OPCML: variants seen among roughly 807,000 people sequenced by gnomAD.
The protein encoded by OPCML is opioid binding protein/cell adhesion molecule like, also known as opioid-binding protein/cell adhesion molecule.
A neutral mutation model predicts 37.8 loss-of-function variants in OPCML; 13 were observed. The ratio of observed to expected loss-of-function variants is 0.34; its 90% CI spans 0.22 to 0.55. The LOEUF (loss-of-function observed/expected upper bound fraction) is 0.55. OPCML is among the 20% of genes least tolerant of loss of function. OPCML has a pLI of 0.91. For missense variants in OPCML, 341 were observed against 435.6 expected (o/e 0.78, Z 1.93); for synonymous variants, 176 against 168.8 (o/e 1.04, Z -0.33).
intron 1 of OPCML, among the ~76,000 whole-genome samples, chr11:133,285,432 A>G (rs913926094): frequency 3.9e-5 from 6 of 152,068 alleles, no homozygotes; most frequent in Admixed American, 3.9e-4. Context: ...ATCTTAGGAG[A>G]CCCGTACGTG....
At chr11:132,467,801 GGTCTATGAAACCAAATGAGAATCAAA>G (rs1486024233) in intron 4 of OPCML, among the ~76,000 whole-genome samples, 1 of 152,112 alleles carries the variant, frequency 6.6e-6, no homozygotes, top group African/African-American at 2.4e-5. Flanking sequence ...TAGTGATAAT[GGTCTATGAAACCAAATGAGAATCAAA>G]GATTCTGAAT....
At chr11:133,469,536 G>A (rs1055871288) in intron 1 of OPCML, among the ~76,000 whole-genome samples, 2 of 152,170 alleles carry the variant, frequency 1.3e-5, no homozygotes, top group Non-Finnish European at 2.9e-5. Flanking sequence ...TCCAGCCTCA[G>A]CCCACTTCAA....
chr11:132,618,954 T>TACACACACACAC (rs6144570), intron 3 of OPCML, among the ~76,000 whole-genome samples: 51 of 145,444 alleles, frequency 3.5e-4, no homozygotes, highest in South Asian at 4.5e-4. Context: ...AGCACACGCA[T>TACACACACACAC]ACACACACAC....
rs568747007 is a variant in OPCML at position 133,340,606 on chromosome 11, C to G, written c.61+191658G>C. 8.6e-3 allele frequency among the ~76,000 whole-genome samples: 941 copies of G among 109,338 alleles called. 3 individuals are homozygous for G. The highest frequency in any genetic ancestry group is 0.017 in the Admixed American group (162 of 9,546). The allele number at this position is 109,338 out of a possible 152,430, so 71.7% of individuals were successfully genotyped here. On this transcript the variant is annotated intron_variant, in intron 1 of 7. Transcript: ENST00000524381. ...ACTCTAGCCCACAAATTAAGACTCTCTCTGTGTGTGTGTGTGTGTGTGTGT... is the reference window on the plus strand; with the variant it reads ...ACTCTAGCCCACAAATTAAGACTCTGTCTGTGTGTGTGTGTGTGTGTGTGT...
At chr11:132,725,734 T>A (rs1463261726) in intron 2 of OPCML, among the ~76,000 whole-genome samples, 1 of 144,374 alleles carries the variant, frequency 6.9e-6, no homozygotes, top group Non-Finnish European at 1.5e-5. Flanking sequence ...TGAGCCGAGA[T>A]CACGCCACTG....
chr11:132,870,062 C>T (rs1188072124), intron 2 of OPCML, among the ~76,000 whole-genome samples: 3 of 152,168 alleles, frequency 2.0e-5, no homozygotes, highest in Non-Finnish European at 4.4e-5. Flanking sequence ...ACCTACTACA[C>T]ACTAGATTTC....
chr11:133,514,289 G>A (rs1345577756), intron 1 of OPCML, among the ~76,000 whole-genome samples: 1 of 152,194 alleles, frequency 6.6e-6, no homozygotes, highest in East Asian at 1.9e-4. Context: ...GAGGCGAGTT[G>A]GCTGCTCCCT....
chr11:133,125,860 CACAT>C (rs1949502401), intron 1 of OPCML, among the ~76,000 whole-genome samples: 1 of 140,084 alleles, frequency 7.1e-6, no homozygotes, highest in African/African-American at 2.7e-5. Context: ...ATAGTATATA[CACAT>C]GTATATATAG....
intron 2 of OPCML, among the ~76,000 whole-genome samples, chr11:132,688,446 C>T (rs1480285280): frequency 6.6e-6 from 1 of 152,072 alleles, no homozygotes; most frequent in Non-Finnish European, 1.5e-5. Context: ...TCCTGGGCCT[C>T]AGTTATCCAA....
chr11:133,343,895 TA>T (rs1208619293), intron 1 of OPCML, among the ~76,000 whole-genome samples: 2 of 152,192 alleles, frequency 1.3e-5, no homozygotes, highest in African/African-American at 4.8e-5. Flanking sequence ...TATTTTACTT[TA>T]AAAAAAGCGC....
intron 3 of OPCML, among the ~76,000 whole-genome samples, chr11:132,567,585 G>T (rs1430907626): frequency 6.6e-6 from 1 of 152,168 alleles, no homozygotes; most frequent in African/African-American, 2.4e-5. Flanking sequence ...CTATTATATT[G>T]CTCGGGCAGG....
At chr11:133,404,241 G>C (rs1945476619) in intron 1 of OPCML, among the ~76,000 whole-genome samples, 1 of 152,166 alleles carries the variant, frequency 6.6e-6, no homozygotes, top group Admixed American at 6.5e-5. Context: ...CTGGCCACTG[G>C]ATAAGGGTCC....
In OPCML at chr11:132,436,658, C is replaced by A; in HGVS notation, c.764+1G>T. On this transcript the variant is annotated splice_donor_variant, in intron 6 of 7. Coordinates refer to ENST00000524381, the MANE Select transcript of OPCML (RefSeq NM_001012393.5). LOFTEE classifies it high-confidence loss of function. ...CTGTCCAGGTGTCATTTAAAAGGTA[C>A]CTGGTTTCTTCCTTGAACCACTGGA... 1 of 1,614,136 alleles carries A rather than the reference C, an allele frequency of 6.2e-7. No individual in the cohort carries two copies. Among genetic ancestry groups the A allele is most frequent in the Non-Finnish European group, 8.5e-7 (1 of 1,179,986 alleles).
chr11:133,026,151 G>T, intron 1 of OPCML: 1 of 936,758 alleles, frequency 1.1e-6, no homozygotes, highest in Non-Finnish European at 1.3e-6. Context: ...CCACCCATCT[G>T]AGTAATTTTT....
chr11:132,936,421 T>C (rs1213620126), intron 2 of OPCML, among the ~76,000 whole-genome samples: 1 of 152,164 alleles, frequency 6.6e-6, no homozygotes, highest in African/African-American at 2.4e-5. Flanking sequence ...ATAGGGATTG[T>C]AATGGTCTGA....
chr11:132,803,908 C>G (rs185341008), intron 2 of OPCML, among the ~76,000 whole-genome samples: 60 of 152,274 alleles, frequency 3.9e-4, no homozygotes, highest in African/African-American at 1.4e-3. Context: ...GTAAGCCATG[C>G]TCACTATTAA....
chr11:132,998,261 T>G (rs1946923097), intron 1 of OPCML, among the ~76,000 whole-genome samples: 1 of 152,186 alleles, frequency 6.6e-6, no homozygotes, highest in African/African-American at 2.4e-5. Flanking sequence ...TTTGATAGTG[T>G]TTGCTGAATC....
intron 2 of OPCML, among the ~76,000 whole-genome samples, chr11:132,721,950 C>CTTTTTTTTTTT (rs34325848): frequency 4.8e-5 from 4 of 82,782 alleles, no homozygotes; most frequent in Admixed American, 1.7e-4. Context: ...CTTTCCTTCC[C>CTTTTTTTTTTT]TTTTTTTTTT....
chr11:132,595,522 A>G (rs2096491112), intron 3 of OPCML, among the ~76,000 whole-genome samples: 1 of 152,160 alleles, frequency 6.6e-6, no homozygotes, highest in African/African-American at 2.4e-5. Context: ...AAAAGTCTGA[A>G]ACCTATTTCA....
Sources: gnomAD v4.1 joint callset for allele counts (sites outside exome capture counted in the v4.1 genomes callset) on GRCh38, gnomAD v4.1.1 for gene constraint, MANE v1.5 for transcripts, NCBI Gene and HGNC (gene_info 2026-07-23, HGNC 2026-07-21) for gene names.